The following ZNF600 variants were observed in gnomAD, a reference collection of about 807,000 sequenced individuals.
ZNF600 encodes zinc finger protein 600, also known as zinc finger protein KR-ZNF1.
A neutral mutation model predicts 7.3 loss-of-function variants in ZNF600; 4 were observed. The ratio of observed to expected loss-of-function variants is 0.55; its 90% confidence interval spans 0.27 to 1.25. ZNF600 has a LOEUF of 1.25. ZNF600 is among the 50% of genes most tolerant of loss of function. ZNF600 has a pLI of 0.12. For missense variants in ZNF600, 911 were observed against 922.1 expected (o/e 0.99, Z 0.16); for synonymous variants, 290 against 308.9 (o/e 0.94, Z 0.64).
At chr19:52,781,490 G>C (rs1043660420) in intron 1 of ZNF600, 26 bp from the exon 2 acceptor site, 1 of 152,180 alleles carries the variant, frequency 6.6e-6, no homozygotes, top group African/African-American at 2.4e-5. Flanking sequence ...AGACCAGCCA[G>C]GATTGGTGGC....
At chr19:52,808,679 T>A in the ZNF600 span, among the ~76,000 whole-genome samples, 15 of 149,548 alleles carry the variant, frequency 1.0e-4, no homozygotes, top group African/African-American at 3.7e-4. Flanking sequence ...CTGGACCTGG[T>A]GGCAGGCACC....
chr19:52,833,050 C>T, the ZNF600 span, among the ~76,000 whole-genome samples: 4 of 152,270 alleles, frequency 2.6e-5, 1 homozygote, highest in Admixed American at 2.6e-4. Context: ...GGATTACAGG[C>T]ATAAGCCACC....
intron 3 of ZNF600, among the ~76,000 whole-genome samples, chr19:52,768,375 G>A (rs1182428390): frequency 6.6e-6 from 1 of 150,936 alleles, no homozygotes; most frequent in African/African-American, 2.4e-5. Flanking sequence ...GGGAGGCAGA[G>A]GTTGCGGTGA....
Position 52,771,079 on chromosome 19 carries a change from C to T in ZNF600, c.191-3307G>A, listed in dbSNP as rs187959503. 1.4e-3 allele frequency among the ~76,000 whole-genome samples: 210 copies of T among 152,170 alleles called. 2 individuals are homozygous for T. Among genetic ancestry groups the T allele is most frequent in the African/African-American group, 4.8e-3 (199 of 41,548 alleles). On this transcript the variant is annotated intron_variant, in intron 3 of 3. Coordinates refer to ENST00000648973, the Ensembl canonical transcript of ZNF600. ...ATCTCCCGACCTCATGTGATTTGGC[C>T]GTCTTAGCCTCCCAAAGTGCTGGGA...
the ZNF600 span, among the ~76,000 whole-genome samples, chr19:52,828,728 G>T: frequency 6.6e-6 from 1 of 152,174 alleles, no homozygotes; most frequent in Non-Finnish European, 1.5e-5. Flanking sequence ...CTGAATGTTT[G>T]TATTGGCCAA....
At chr19:52,812,294 G>A in the ZNF600 span, among the ~76,000 whole-genome samples, 1 of 141,330 alleles carries the variant, frequency 7.1e-6, no homozygotes, top group Non-Finnish European at 1.5e-5. Flanking sequence ...AACGGGCCAT[G>A]ATGACAATGG....
At chr19:52,825,074 C>T in the ZNF600 span, among the ~76,000 whole-genome samples, 9 of 151,970 alleles carry the variant, frequency 5.9e-5, no homozygotes, top group Admixed American at 2.6e-4. Flanking sequence ...TCAGAGAGGG[C>T]GCTTTTACAC....
chr19:52,818,170 C>G, the ZNF600 span: 1 of 934,758 alleles, frequency 1.1e-6, no homozygotes, highest in Non-Finnish European at 1.5e-6. Flanking sequence ...ACAAAAAATT[C>G]CTACAGGAAA....
chr19:52,830,748 A>G, the ZNF600 span, among the ~76,000 whole-genome samples: 1 of 151,408 alleles, frequency 6.6e-6, no homozygotes, highest in Non-Finnish European at 1.5e-5. Context: ...TCACTTTTAC[A>G]AAGTCAATAG....
chr19:52,789,649 G>A (rs1168300432), upstream of ZNF600, among the ~76,000 whole-genome samples: 2 of 152,174 alleles, frequency 1.3e-5, no homozygotes, highest in Admixed American at 1.3e-4. Flanking sequence ...CAATTTGGGA[G>A]GCCAACATGG....
At chr19:52,819,582 G>C in the ZNF600 span, among the ~76,000 whole-genome samples, 3 of 76,076 alleles carry the variant, frequency 3.9e-5, no homozygotes, top group Admixed American at 1.2e-4. Flanking sequence ...TTGCAGGGGA[G>C]GCTCACTGGG....
chr19:52,770,132 G>C (rs192896771), intron 3 of ZNF600, among the ~76,000 whole-genome samples: 74 of 152,196 alleles, frequency 4.9e-4, no homozygotes, highest in African/African-American at 1.8e-3. Flanking sequence ...AAAATACACA[G>C]CATTTTAAGA....
At chr19:52,814,225 C>T in the ZNF600 span, 4 of 146,108 alleles carry the variant, frequency 2.7e-5, no homozygotes, top group African/African-American at 8.0e-5. Flanking sequence ...TAAGCTGCAG[C>T]TTTCTTGGAG....
rs745910565 is a variant in ZNF600 at position 52,767,252 on chromosome 19, G to A, written c.711C>T (p.Gly237=). The A allele has an allele frequency of 5.6e-6, 9 of 1,614,136 alleles. No individual in the cohort carries two copies. In the South Asian group the frequency reaches 7.7e-5, roughly 14 times the overall value. ...AGAGTGAGCTACAATTAAAGGCTTT[G>A]CCACTCTCATTACATTGGAAAGATT... The change falls in exon 4 of 4, where the codon GGC becomes GGT. Residue 237 remains glycine, a synonymous_variant. Transcript: ENST00000648973.
At chr19:52,785,862 C>G (rs1049279664) in intron 1 of ZNF600, among the ~76,000 whole-genome samples, 4 of 152,166 alleles carry the variant, frequency 2.6e-5, no homozygotes, top group Non-Finnish European at 4.4e-5. Context: ...TGTCCTTCAT[C>G]TTTCTGTACA....
chr19:52,782,172 G>A (rs1266693505), intron 1 of ZNF600, among the ~76,000 whole-genome samples: 1 of 152,106 alleles, frequency 6.6e-6, no homozygotes, highest in Non-Finnish European at 1.5e-5. Context: ...CCGCTGCACT[G>A]AGCTGTGATC....
At chr19:52,798,861 C>T in the ZNF600 span, 1 of 1,321,474 alleles carries the variant, frequency 7.6e-7, no homozygotes, top group African/African-American at 1.5e-5. Context: ...TCAAGTTTCC[C>T]TATACTATGG....
At chr19:52,789,005 C>G (rs2062785139), upstream of ZNF600, among the ~76,000 whole-genome samples, 1 of 152,196 alleles carries the variant, frequency 6.6e-6, no homozygotes, top group South Asian at 2.1e-4. Context: ...CCACCAGGAT[C>G]CAGTGAACAG....
At chr19:52,801,780 A>C in the ZNF600 span, 2 of 1,325,100 alleles carry the variant, frequency 1.5e-6, no homozygotes, top group Non-Finnish European at 2.1e-6. Context: ...ATATGACACA[A>C]AAAACAATAC....
Sources: gnomAD v4.1 joint callset for allele counts (sites outside exome capture counted in the v4.1 genomes callset) on GRCh38, gnomAD v4.1.1 for gene constraint, MANE v1.5 for transcripts, NCBI Gene and HGNC (gene_info 2026-07-23, HGNC 2026-07-21) for gene names.